PRKAR1B: variants seen among roughly 807,000 people sequenced by gnomAD.
PRKAR1B encodes cAMP-dependent protein kinase type I-beta regulatory subunit.
A neutral mutation model predicts 46.5 loss-of-function variants in PRKAR1B; 22 were observed. The observed-to-expected ratio is 0.47, with a 90% CI of 0.34 to 0.68. The LOEUF is 0.68. Ranked by LOEUF, PRKAR1B falls within the 30% of genes least tolerant of loss-of-function variation. The pLI, the probability that PRKAR1B is intolerant of heterozygous loss-of-function variation, is 0.01. For missense variants in PRKAR1B, 445 were observed against 535.6 expected, an observed-to-expected ratio of 0.83 and a Z score of 1.67; for synonymous variants, 259 against 217.7, an observed-to-expected ratio of 1.19 and a Z score of -1.67.
rs551985211 is a variant in PRKAR1B, at chr7:605,754, G to A, written c.549+439C>T. Reference sequence around the variant, plus strand: ...CCAAACGCAGGCGCAAAAGGCAGCCGTTGTTTGATCGTGAAGTCGTCGGTC... The same window carrying A: ...CCAAACGCAGGCGCAAAAGGCAGCCATTGTTTGATCGTGAAGTCGTCGGTC... On this transcript the variant is annotated intron_variant, in intron 6 of 10. Coordinates refer to ENST00000537384, the MANE Select transcript of PRKAR1B (RefSeq NM_001164760.2). Among the ~76,000 whole-genome samples, 6 of 152,298 alleles carry A rather than the reference G, an allele frequency of 3.9e-5. No individual in the cohort carries two copies. The East Asian group carries it at 5.8e-4, about 15-fold the overall frequency.
chr7:626,131 T>C (rs71518328), intron 4 of PRKAR1B, among the ~76,000 whole-genome samples: 113,071 of 152,116 alleles, frequency 0.74, 42,470 homozygotes, highest in South Asian at 0.87. Flanking sequence ...AAGCAACAGA[T>C]AATCTGAACA....
chr7:552,324 T>TTC (rs1784281366), intron 9 of PRKAR1B, among the ~76,000 whole-genome samples: 1 of 90,178 alleles, frequency 1.1e-5, no homozygotes, highest in Non-Finnish European at 2.2e-5. Context: ...GCCCGGGTCC[T>TTC]TCCCGCAGAG....
chr7:553,826 C>T (rs532693930), intron 9 of PRKAR1B, among the ~76,000 whole-genome samples: 22 of 152,262 alleles, frequency 1.4e-4, no homozygotes, highest in African/African-American at 4.6e-4. Context: ...ACAGCCAGAC[C>T]GCTGCCCTGG....
At chr7:655,366 T>A (rs140160336) in intron 4 of PRKAR1B, among the ~76,000 whole-genome samples, 50 of 152,312 alleles carry the variant, frequency 3.3e-4, no homozygotes, top group African/African-American at 1.1e-3. Flanking sequence ...GGCATGCCCC[T>A]GACCACAGGG....
chr7:638,190 C>A (rs1352710199), intron 4 of PRKAR1B, among the ~76,000 whole-genome samples: 1 of 152,250 alleles, frequency 6.6e-6, no homozygotes. Flanking sequence ...TCTTTAGAAA[C>A]CCCTGTGAGC....
chr7:572,538 T>G (rs971650891), intron 9 of PRKAR1B, among the ~76,000 whole-genome samples: 3 of 152,130 alleles, frequency 2.0e-5, no homozygotes, highest in Non-Finnish European at 2.9e-5. Flanking sequence ...CCTGCAGGTA[T>G]TCATGCCTCA....
intron 1 of PRKAR1B, among the ~76,000 whole-genome samples, chr7:717,103 C>T (rs1379966499): frequency 1.3e-5 from 2 of 152,060 alleles, no homozygotes; most frequent in Non-Finnish European, 2.9e-5. Context: ...CCAGCCTGGG[C>T]AACATGGTGA....
intron 4 of PRKAR1B, among the ~76,000 whole-genome samples, chr7:618,960 A>C (rs1259093850): frequency 6.6e-6 from 1 of 152,154 alleles, no homozygotes; most frequent in Non-Finnish European, 1.5e-5. Flanking sequence ...TGTTTAAGAA[A>C]GTGTTTCCCC....
At chr7:597,381 GGCACAGGGGCGACT>G (rs927049735) in intron 6 of PRKAR1B, among the ~76,000 whole-genome samples, 1 of 152,190 alleles carries the variant, frequency 6.6e-6, no homozygotes, top group African/African-American at 2.4e-5. Context: ...AACTTTCGGA[GGCACAGGGGCGACT>G]GCTGTGCAAA....
At chr7:569,153 C>A (rs1162893213) in intron 9 of PRKAR1B, among the ~76,000 whole-genome samples, 1 of 152,038 alleles carries the variant, frequency 6.6e-6, no homozygotes, top group Non-Finnish European at 1.5e-5. Context: ...TTGCTGAAGA[C>A]GCCTCGGCGT....
chr7:605,932 G>A (rs372591535), intron 6 of PRKAR1B, among the ~76,000 whole-genome samples: 43 of 152,152 alleles, frequency 2.8e-4, no homozygotes, highest in African/African-American at 9.7e-4. Flanking sequence ...GTCGCAGCCC[G>A]GGGGCAAGCG....
intron 10 of PRKAR1B, among the ~76,000 whole-genome samples, chr7:550,970 C>G (rs977522928): frequency 1.1e-4 from 16 of 151,532 alleles, no homozygotes; most frequent in Admixed American, 9.2e-4. Flanking sequence ...CAGGAATGCC[C>G]AGGTGTGCCC....
At chr7:630,524 T>G (rs9719226) in intron 4 of PRKAR1B, among the ~76,000 whole-genome samples, 16,476 of 152,190 alleles carry the variant, frequency 0.11, 1,235 homozygotes, top group South Asian at 0.27. Flanking sequence ...CTGTACAAAC[T>G]CAGATGCACT....
chr7:616,841 GA>G (rs1782849125), intron 4 of PRKAR1B, among the ~76,000 whole-genome samples: 1 of 152,000 alleles, frequency 6.6e-6, no homozygotes, highest in Admixed American at 6.5e-5. Context: ...GTATTTTTGG[GA>G]AAAAAAGTAC....
intron 2 of PRKAR1B, among the ~76,000 whole-genome samples, chr7:689,887 T>A (rs1779314912): frequency 6.6e-6 from 1 of 151,802 alleles, no homozygotes; most frequent in African/African-American, 2.4e-5. Context: ...TTTACCATGT[T>A]AACCAGGATG....
chr7:721,175 A>G (rs1473380277), intron 1 of PRKAR1B, among the ~76,000 whole-genome samples: 1 of 152,180 alleles, frequency 6.6e-6, no homozygotes, highest in African/African-American at 2.4e-5. Context: ...TTAAATACCT[A>G]GCTGTAGATA....
At chr7:698,825 A>G (rs1779910524) in intron 2 of PRKAR1B, among the ~76,000 whole-genome samples, 1 of 152,030 alleles carries the variant, frequency 6.6e-6, no homozygotes, top group Non-Finnish European at 1.5e-5. Flanking sequence ...CATCTGGGCG[A>G]GTGTGTGTAC....
At chr7:684,365 A>G (rs1227977583) in intron 2 of PRKAR1B, among the ~76,000 whole-genome samples, 2 of 152,150 alleles carry the variant, frequency 1.3e-5, no homozygotes, top group Non-Finnish European at 2.9e-5. Flanking sequence ...TGGCAGATGG[A>G]AAGTGCACGT....
At chr7:606,928 ATG>A (rs1273544103) in intron 5 of PRKAR1B, among the ~76,000 whole-genome samples, 21 of 151,114 alleles carry the variant, frequency 1.4e-4, no homozygotes, top group African/African-American at 4.6e-4. Flanking sequence ...GTACACACAT[ATG>A]TGTGCACATA....
Sources: allele counts gnomAD v4.1 joint callset (sites outside exome capture counted in the v4.1 genomes callset), GRCh38; gene constraint gnomAD v4.1.1; transcripts MANE v1.5; gene names NCBI Gene and HGNC (gene_info 2026-07-23, HGNC 2026-07-21).